Variants in UGT1A5 observed in about 807,000 individuals in gnomAD.
UGT1A5 encodes the protein UDP-glucuronosyltransferase 1A5.
In UGT1A5, 29 loss-of-function variants were observed where a neutral mutation model predicts 40.3. The ratio of observed to expected loss-of-function variants is 0.72; its 90% confidence interval spans 0.54 to 0.98. The LOEUF (loss-of-function observed/expected upper bound fraction) is 0.98, where lower values mean the gene tolerates loss of function less well. Ranked by LOEUF, UGT1A5 falls within the 50% of genes least tolerant of loss-of-function variation. The pLI is 0.00. For missense variants in UGT1A5, 678 were observed against 677.9 expected (o/e 1.00, Z 0.00); for synonymous variants, 257 against 262.5 (o/e 0.98, Z 0.20).
At chr2:233,729,570 G>T (rs1300116271) in intron 1 of UGT1A5, 1 of 1,613,988 alleles carries the variant, frequency 6.2e-7, no homozygotes, top group Non-Finnish European at 8.5e-7. Flanking sequence ...CCTTTGATGT[G>T]GTTTTAACAG....
intron 1 of UGT1A5, among the ~76,000 whole-genome samples, chr2:233,724,021 G>T (rs2077154615): frequency 1.2e-5 from 1 of 80,748 alleles, no homozygotes; most frequent in African/African-American, 7.3e-5. Context: ...TTGTCATCCT[G>T]GCCCGTTCTC....
intron 1 of UGT1A5, chr2:233,760,271 G>GC: frequency 2.5e-6 from 4 of 1,612,226 alleles, no homozygotes; most frequent in Non-Finnish European, 3.4e-6. Context: ...CGAACCTCTG[G>GC]CAGGAGCAAA....
intron 1 of UGT1A5, among the ~76,000 whole-genome samples, chr2:233,766,036 G>T (rs1393520685): frequency 6.6e-6 from 1 of 152,138 alleles, no homozygotes; most frequent in Non-Finnish European, 1.5e-5. Context: ...GCCCTCTATA[G>T]TCAGCTTGTG....
At chr2:233,751,971 G>A (rs1694860296) in intron 1 of UGT1A5, among the ~76,000 whole-genome samples, 1 of 152,158 alleles carries the variant, frequency 6.6e-6, no homozygotes, top group Non-Finnish European at 1.5e-5. Context: ...TCTGAGAAAA[G>A]GAAATGAATC....
intron 1 of UGT1A5, chr2:233,729,974 A>G (rs779334131): frequency 1.9e-6 from 3 of 1,614,082 alleles, no homozygotes; most frequent in Non-Finnish European, 2.5e-6. Flanking sequence ...AACTGTGCCA[A>G]CAGGAAGCCA....
At chr2:233,764,255 A>G (rs1306141437) in intron 1 of UGT1A5, among the ~76,000 whole-genome samples, 1 of 152,114 alleles carries the variant, frequency 6.6e-6, no homozygotes, top group Non-Finnish European at 1.5e-5. Context: ...TTCAGTTAAT[A>G]TGTTGCTTCA....
chr2:233,733,665 C>A (rs572113839), intron 1 of UGT1A5, among the ~76,000 whole-genome samples: 1 of 152,162 alleles, frequency 6.6e-6, no homozygotes, highest in Non-Finnish European at 1.5e-5. Context: ...CCGACTTGAT[C>A]GATGTGGATA....
intron 3 of UGT1A5, 44 bp from the exon 4 acceptor site, chr2:233,768,176 C>A: frequency 6.2e-7 from 1 of 1,613,910 alleles, no homozygotes; most frequent in South Asian, 1.1e-5. Context: ...AGCTGTGAAA[C>A]TCAGAGATGT....
chr2:233,754,718 T>C (rs548415116), intron 1 of UGT1A5: 30 of 561,924 alleles, frequency 5.3e-5, no homozygotes, highest in African/African-American at 4.6e-4. Flanking sequence ...TGAAGCTGCC[T>C]GTCCCATCAC....
intron 1 of UGT1A5, chr2:233,729,601 G>C: frequency 3.1e-6 from 5 of 1,614,032 alleles, no homozygotes; most frequent in Non-Finnish European, 4.2e-6. Context: ...CCTCTGCGCG[G>C]CAGTGCTGGC....
chr2:233,751,617 G>A (rs1403670547), intron 1 of UGT1A5, among the ~76,000 whole-genome samples: 1 of 152,198 alleles, frequency 6.6e-6, no homozygotes, highest in African/African-American at 2.4e-5. Flanking sequence ...GGAGGTGATT[G>A]GATCATGTGT....
intron 1 of UGT1A5, chr2:233,747,252 C>T (rs766084078): frequency 6.9e-6 from 11 of 1,600,814 alleles, no homozygotes; most frequent in Non-Finnish European, 9.4e-6. Context: ...TGTGGCTGGC[C>T]ACAGGAGTGC....
At chr2:233,747,818 A>C in intron 1 of UGT1A5, 1 of 1,613,506 alleles carries the variant, frequency 6.2e-7, no homozygotes, top group Non-Finnish European at 8.5e-7. Flanking sequence ...CGACCAATTC[A>C]GACCACATGA....
At chr2:233,746,880 G>A (rs561454270) in intron 1 of UGT1A5, among the ~76,000 whole-genome samples, 1 of 151,926 alleles carries the variant, frequency 6.6e-6, no homozygotes, top group South Asian at 2.1e-4. Flanking sequence ...GTGGTTAACA[G>A]AGAAGTAGGA....
chr2:233,738,951 T>G (rs1690944687), intron 1 of UGT1A5: 1 of 152,230 alleles, frequency 6.6e-6, no homozygotes, highest in Non-Finnish European at 1.5e-5. Context: ...TGTTTTAGGC[T>G]GGGTCCAGGC....
intron 4 of UGT1A5, 116 bp downstream of exon 4, chr2:233,768,555 A>C: frequency 6.8e-7 from 1 of 1,474,628 alleles, no homozygotes; most frequent in African/African-American, 1.4e-5. Flanking sequence ...AAAAACAAAT[A>C]CATAAAAATC....
At chr2:233,749,248 AT>A (rs1216234192) in intron 1 of UGT1A5, among the ~76,000 whole-genome samples, 1 of 151,808 alleles carries the variant, frequency 6.6e-6, no homozygotes, top group Admixed American at 6.6e-5. Flanking sequence ...AAACCACATG[AT>A]TTTTTTATTG....
intron 1 of UGT1A5, chr2:233,755,291 C>T (rs1483791202): frequency 1.2e-5 from 8 of 651,216 alleles, no homozygotes; most frequent in Non-Finnish European, 1.9e-5. Context: ...AAAGAGCCTG[C>T]GGGGCACTGG....
At chr2:233,760,266 C>T (rs778145749) in intron 1 of UGT1A5, 17 of 1,611,888 alleles carry the variant, frequency 1.1e-5, no homozygotes, top group Non-Finnish European at 1.4e-5. Context: ...GAGGGCGAAC[C>T]TCTGGCAGGA....
Sources: gnomAD v4.1 joint callset for allele counts (sites outside exome capture counted in the v4.1 genomes callset) on GRCh38, gnomAD v4.1.1 for gene constraint, MANE v1.5 for transcripts, NCBI Gene and HGNC (gene_info 2026-07-23, HGNC 2026-07-21) for gene names.